The following OLFM3 variants were observed in gnomAD, a reference collection of about 807,000 sequenced individuals.
OLFM3 encodes olfactomedin 3, also known as noelin-3.
A neutral mutation model predicts 48.6 loss-of-function variants in OLFM3; 20 were observed. The observed-to-expected ratio is 0.41, with a 90% CI of 0.29 to 0.60. OLFM3 has a LOEUF of 0.60. Ranked by LOEUF, OLFM3 falls within the 20% of genes least tolerant of loss-of-function variation. The pLI is 0.28. For synonymous variants in OLFM3, 222 were observed against 198.1 expected, an observed-to-expected ratio of 1.12 and a Z score of -1.01; for missense variants, 437 against 544.3, an observed-to-expected ratio of 0.80 and a Z score of 1.96.
intron 1 of OLFM3, among the ~76,000 whole-genome samples, chr1:101,928,372 C>T (rs1320685940): frequency 3.9e-5 from 6 of 151,978 alleles, no homozygotes; most frequent in Admixed American, 3.9e-4. Context: ...TTGTGCATGA[C>T]TTAACACATT....
In OLFM3 at chr1:101,843,900, A is replaced by G. The variant is rs141837294; in HGVS notation, c.70-6875T>C. On this transcript the variant is annotated intron_variant, in intron 1 of 5. Transcript: ENST00000370103. ...TTTAACCTCTGCGTATTCCATGAAC[A>G]TTCAGATTTCAAGACCTGCGTGTGC... 4.4e-3 allele frequency among the ~76,000 whole-genome samples: 677 copies of G among 152,272 alleles called. 6 individuals are homozygous for G. The highest frequency in any genetic ancestry group is 0.016 in the African/African-American group (644 of 41,536).
chr1:101,983,431 A>G (rs752007234), intron 1 of OLFM3, among the ~76,000 whole-genome samples: 2 of 152,204 alleles, frequency 1.3e-5, no homozygotes, highest in Non-Finnish European at 2.9e-5. Flanking sequence ...GCCATGGGAC[A>G]TGTCATCCAG....
At chr1:101,925,109 G>T (rs1435958949) in intron 1 of OLFM3, among the ~76,000 whole-genome samples, 1 of 152,114 alleles carries the variant, frequency 6.6e-6, no homozygotes, top group African/African-American at 2.4e-5. Flanking sequence ...AATAAGACCA[G>T]GTTATGGGTT....
chr1:101,896,981 T>TATC (rs1382950959), intron 1 of OLFM3, among the ~76,000 whole-genome samples: 1 of 152,138 alleles, frequency 6.6e-6, no homozygotes, highest in Non-Finnish European at 1.5e-5. Context: ...CCTTTGCGCT[T>TATC]ATCTTTGAAA....
chr1:101,847,083 A>G (rs1281064382), intron 1 of OLFM3: 1 of 1,420,710 alleles, frequency 7.0e-7, no homozygotes, highest in Non-Finnish European at 9.3e-7. Context: ...AAAGAGATCA[A>G]CTTCCCCAGC....
intron 1 of OLFM3, among the ~76,000 whole-genome samples, chr1:101,924,666 C>A (rs1659209950): frequency 6.6e-6 from 1 of 152,190 alleles, no homozygotes; most frequent in South Asian, 2.1e-4. Flanking sequence ...TCCTCCAAGT[C>A]ACACCTAACT....
At chr1:101,893,344 A>G in intron 1 of OLFM3, 1 of 383,532 alleles carries the variant, frequency 2.6e-6, no homozygotes, top group Non-Finnish European at 5.3e-6. Flanking sequence ...TAGCTCAGCA[A>G]ATTCAAGCTG....
chr1:101,983,740 A>T (rs1661162155), intron 1 of OLFM3, among the ~76,000 whole-genome samples: 3 of 152,258 alleles, frequency 2.0e-5, no homozygotes, highest in Admixed American at 2.0e-4. Flanking sequence ...GCAATTAAAT[A>T]AGCAAACTAT....
intron 1 of OLFM3, among the ~76,000 whole-genome samples, chr1:101,929,865 A>C (rs924118876): frequency 6.6e-5 from 10 of 152,120 alleles, no homozygotes. Flanking sequence ...CACATTTTAA[A>C]GTACATGTAG....
chr1:101,915,360 C>A (rs564722705), intron 1 of OLFM3, among the ~76,000 whole-genome samples: 1 of 147,140 alleles, frequency 6.8e-6, no homozygotes, highest in African/African-American at 2.6e-5. Context: ...GGGATTTAAT[C>A]TGTTAAAAAA....
At chr1:101,812,612 T>A in intron 4 of OLFM3, 2 of 985,676 alleles carry the variant, frequency 2.0e-6, no homozygotes, top group Non-Finnish European at 2.4e-6. Flanking sequence ...CCACAGCACA[T>A]CACTGGCTTG....
At chr1:101,937,458 G>C (rs1659658432) in intron 1 of OLFM3, among the ~76,000 whole-genome samples, 1 of 152,134 alleles carries the variant, frequency 6.6e-6, no homozygotes, top group African/African-American at 2.4e-5. Flanking sequence ...GGGCCCCGGT[G>C]GGAGGTAATT....
At chr1:101,889,679 A>G (rs189960575) in intron 1 of OLFM3, among the ~76,000 whole-genome samples, 18 of 152,196 alleles carry the variant, frequency 1.2e-4, no homozygotes, top group African/African-American at 4.1e-4. Context: ...AAAAAAGTGC[A>G]TGTAATAAAT....
At chr1:101,905,313 A>G (rs536835456) in intron 1 of OLFM3, among the ~76,000 whole-genome samples, 1 of 152,280 alleles carries the variant, frequency 6.6e-6, no homozygotes, top group East Asian at 1.9e-4. Context: ...AATTGACTCA[A>G]TGAAACTTCC....
intron 1 of OLFM3, among the ~76,000 whole-genome samples, chr1:101,975,772 G>A (rs1168212800): frequency 6.6e-6 from 1 of 152,138 alleles, no homozygotes; most frequent in Admixed American, 6.6e-5. Flanking sequence ...CAGAATGTTA[G>A]CCCATTGCAC....
chr1:101,846,268 T>A (rs1411853370), intron 1 of OLFM3, among the ~76,000 whole-genome samples: 1 of 152,164 alleles, frequency 6.6e-6, no homozygotes, highest in Admixed American at 6.5e-5. Flanking sequence ...GATGTTTTTA[T>A]CAAGTAAGTT....
At chr1:101,960,840 C>G (rs917307531) in intron 1 of OLFM3, among the ~76,000 whole-genome samples, 1 of 152,120 alleles carries the variant, frequency 6.6e-6, no homozygotes, top group African/African-American at 2.4e-5. Flanking sequence ...CATCGTTAAC[C>G]ACTCTGCTTC....
In OLFM3 at chr1:101,804,093, T is replaced by C. The variant is rs1035209399; in HGVS notation, c.*145A>G. The C allele has an allele frequency of 1.6e-6, 1 of 610,514 alleles. No homozygotes were observed. The highest frequency in any genetic ancestry group is 1.9e-5 in the African/African-American group (1 of 52,770). 37.8% of individuals were successfully genotyped at this position (610,514 alleles called of 1,614,324 possible). A position where few individuals can be genotyped will look rare whatever the true frequency, so the allele number is the denominator to read the frequency against. ...ATGGTAAGTTAGACAAGCTCAGCTA[T>C]GTTTTTGAAACACCAACTTTACAAT... is the stretch of plus-strand genomic sequence containing the variant. On this transcript the variant is annotated 3_prime_UTR_variant, in exon 6 of 6. Transcript: ENST00000370103. The surrounding 1 kb of genome is among the most constrained non-coding windows in gnomAD (Gnocchi z 4.5).
chr1:101,911,007 A>G (rs2000149), intron 1 of OLFM3, among the ~76,000 whole-genome samples: 66,139 of 151,986 alleles, frequency 0.44, 14,488 homozygotes, highest in East Asian at 0.59. Flanking sequence ...GTAATGTTAA[A>G]ATATTTGAAA....
Sources: allele counts gnomAD v4.1 joint callset (sites outside exome capture counted in the v4.1 genomes callset), GRCh38; gene constraint gnomAD v4.1.1; non-coding constraint Gnocchi (gnomAD v3.1); transcripts MANE v1.5; gene names NCBI Gene and HGNC (gene_info 2026-07-23, HGNC 2026-07-21).